The following RELN variants were observed in gnomAD, a reference collection of about 807,000 sequenced individuals.
The protein encoded by RELN is reelin.
A neutral mutation model predicts 427.6 loss-of-function variants in RELN; 108 were observed. That is an observed-to-expected ratio of 0.25 (90% CI 0.22 to 0.30). The LOEUF (loss-of-function observed/expected upper bound fraction) is 0.30, where lower values mean the gene tolerates loss of function less well. Ranked by LOEUF, RELN falls within the 10% of genes least tolerant of loss-of-function variation. RELN has a pLI of 1.00. For synonymous variants in RELN, 1,524 were observed against 1,513.4 expected, an observed-to-expected ratio of 1.01 and a Z score of -0.16; for missense variants, 3,715 against 4,302.8, an observed-to-expected ratio of 0.86 and a Z score of 3.82.
chr7:103,966,780 G>T (rs1294568502), intron 1 of RELN, among the ~76,000 whole-genome samples: 1 of 152,176 alleles, frequency 6.6e-6, no homozygotes, highest in Non-Finnish European at 1.5e-5. Flanking sequence ...TGGAACACTA[G>T]TTATCTTGGA....
At position 103,654,481 on chromosome 7, in the gene RELN, C is replaced by T. The variant is rs543180869; in HGVS notation, c.1442-276G>A. 3.1e-4 allele frequency among the ~76,000 whole-genome samples: 47 copies of T among 152,216 alleles called. 1 individual carries two copies. In the South Asian group the frequency reaches 6.8e-3, roughly 22 times the overall value. ...TTGTCTACTTTGAGCAGCAACTACA[C>T]GTCCATGTTCTAACCCACATTAAAA... is the stretch of plus-strand genomic sequence containing the variant. On this transcript the variant is annotated intron_variant, in intron 12 of 64. Coordinates refer to ENST00000428762, the MANE Select transcript of RELN (RefSeq NM_005045.4).
intron 16 of RELN, among the ~76,000 whole-genome samples, chr7:103,647,381 G>A (rs1048415161): frequency 3.9e-5 from 6 of 151,942 alleles, no homozygotes; most frequent in South Asian, 2.1e-4. Context: ...TAAAATCAAT[G>A]TACAAAAATC....
At chr7:103,851,467 C>G (rs1209788941) in intron 2 of RELN, among the ~76,000 whole-genome samples, 1 of 152,086 alleles carries the variant, frequency 6.6e-6, no homozygotes, top group Non-Finnish European at 1.5e-5. Context: ...ACCACTTGTA[C>G]CCCATTAATT....
intron 1 of RELN, among the ~76,000 whole-genome samples, chr7:103,949,863 G>A (rs2116760456): frequency 6.6e-6 from 1 of 152,254 alleles, no homozygotes; most frequent in East Asian, 1.9e-4. Flanking sequence ...CATAGTTAGT[G>A]CCTAGAAGTT....
Position 103,575,582 on chromosome 7 carries a change from A to C in RELN, c.4269T>G (p.Ile1423Met), listed in dbSNP as rs1830979263. 5.0e-6 allele frequency: 8 copies of C among 1,614,146 alleles called. No homozygotes were observed. Among genetic ancestry groups the C allele is most frequent in the Non-Finnish European group, 6.8e-6 (8 of 1,180,006 alleles). ...CCAGGTCACAGAAACACACTCCTGAAATGCAGTCCCCATGGCCACTGCAGT... is the reference window on the plus strand; with the variant it reads ...CCAGGTCACAGAAACACACTCCTGACATGCAGTCCCCATGGCCACTGCAGT... ...PSYCSGHGDC[I>M]SGVCFCDLGY... Residue 1423 changes from isoleucine to methionine, a missense_variant, in exon 29 of 65, where the codon ATT becomes ATG. Ile to Met is a conservative substitution (Grantham distance 10, BLOSUM62 1). This residue lies in a region of RELN where 2,208 missense variants were observed against 2,361.7 expected (regional missense o/e 0.93). Transcript: ENST00000428762.
chr7:103,475,265 A>T (rs757341493), intron 64 of RELN, among the ~76,000 whole-genome samples: 17 of 152,012 alleles, frequency 1.1e-4, no homozygotes, highest in Non-Finnish European at 2.2e-4. Context: ...CCTGCTTTGA[A>T]GGAGTTTGTG....
At chr7:103,578,915 T>C (rs1210372253) in intron 28 of RELN, among the ~76,000 whole-genome samples, 1 of 152,256 alleles carries the variant, frequency 6.6e-6, no homozygotes, top group African/African-American at 2.4e-5. Context: ...TAAGTAGCAC[T>C]GCATATATTC....
chr7:103,682,148 T>C lies in RELN; in HGVS notation c.1257A>G (p.Gln419=), dbSNP rs2115695469. 1 of 1,614,026 alleles carries C rather than the reference T, an allele frequency of 6.2e-7. No individual in the cohort carries two copies. Among genetic ancestry groups the C allele is most frequent in the Non-Finnish European group, 8.5e-7 (1 of 1,179,922 alleles). Residue 419 remains glutamine (Q), a synonymous_variant, in exon 11 of 65, where the codon CAA becomes CAG. Transcript: ENST00000428762. ...GCTGGCTCTCAAATTCTTCTGACCA[T>C]TGCTCTTGAATATCTTCTGTGGAAA... ...VDLSTEDIQE[Q]WSEEFESQPT... is the part of the protein sequence containing the mutation.
chr7:103,895,498 G>T (rs1244272446), intron 2 of RELN, among the ~76,000 whole-genome samples: 2 of 152,048 alleles, frequency 1.3e-5, no homozygotes, highest in South Asian at 4.1e-4. Flanking sequence ...TAATCCAGGG[G>T]TCTGAAGCAA....
rs1831488944 is a variant in RELN at position 103,594,345 on chromosome 7, T to C, written c.3687A>G (p.Pro1229=). 6.2e-7 allele frequency: 1 copy of C among 1,614,038 alleles called. No homozygotes were observed. Among genetic ancestry groups the C allele is most frequent in the African/African-American group, 1.3e-5 (1 of 75,048 alleles). The change falls in exon 26 of 65, where the codon CCA becomes CCG. Residue 1229 remains proline, a synonymous_variant. Coordinates refer to ENST00000428762, the MANE Select transcript of RELN (RefSeq NM_005045.4). ...CCTGAGGTAAAGTTGGATTGATAAC[T>C]GGGATGATCTGCTTCTGCTTCTCGG... ...ILSEKQKQII[P]VINPTLPQNF...
chr7:103,508,432 G>A (rs539191267), intron 51 of RELN, among the ~76,000 whole-genome samples: 1 of 152,262 alleles, frequency 6.6e-6, no homozygotes, highest in Non-Finnish European at 1.5e-5. Flanking sequence ...TGCAGAAAAG[G>A]CCTTCGCCAA....
chr7:103,739,852 C>T (rs2237634), intron 6 of RELN, among the ~76,000 whole-genome samples: 11,232 of 152,128 alleles, frequency 0.074, 529 homozygotes, highest in East Asian at 0.18. Context: ...CACAATTGCA[C>T]ACCAGAGTAC....
At chr7:103,944,728 A>G (rs1796184623) in intron 1 of RELN, among the ~76,000 whole-genome samples, 1 of 152,280 alleles carries the variant, frequency 6.6e-6, no homozygotes, top group Non-Finnish European at 1.5e-5. Flanking sequence ...AATGTGGCAA[A>G]GTGAGCCAAA....
At position 103,640,511 on chromosome 7, in the gene RELN, G is replaced by A. The variant is rs1832674930; in HGVS notation, c.2069+32C>T. 4 of 1,604,410 alleles carry A rather than the reference G, an allele frequency of 2.5e-6. No homozygotes were observed. Among genetic ancestry groups the A allele is most frequent in the African/African-American group, 1.3e-5 (1 of 74,702 alleles). On this transcript the variant is annotated intron_variant, in intron 17 of 64. Coordinates refer to ENST00000428762, the MANE Select transcript of RELN (RefSeq NM_005045.4). This position sits in a 1 kb window ranked among gnomAD's most constrained non-coding sequence, Gnocchi z 4.1. ...AACACATACATTACACATCAAAAAG[G>A]AGAAGCATAAGTGTTATTTTAAGAT...
rs557526476 is a variant in RELN, at chr7:103,605,175, G to C, written c.3009-692C>G. Among the ~76,000 whole-genome samples the C allele has an allele frequency of 8.5e-5, 13 of 152,298 alleles. 1 individual carries two copies. In the South Asian group the frequency reaches 2.7e-3, roughly 32 times the overall value. ...AAAATGTAAGATGTTTAACCTTAGA[G>C]TAATAGAGTTTCTTACAATAAATAC... On this transcript the variant is annotated intron_variant, in intron 22 of 64. Transcript: ENST00000428762.
intron 51 of RELN, among the ~76,000 whole-genome samples, chr7:103,503,584 G>T (rs1330283086): frequency 6.6e-6 from 1 of 152,192 alleles, no homozygotes; most frequent in Admixed American, 6.5e-5. Context: ...TAACCAAGAA[G>T]AATAGCTAAC....
intron 20 of RELN, among the ~76,000 whole-genome samples, chr7:103,624,920 TTCTG>T (rs1832296524): frequency 6.6e-6 from 1 of 152,218 alleles, no homozygotes; most frequent in Non-Finnish European, 1.5e-5. Flanking sequence ...AATGAGTACC[TTCTG>T]TCTTTTATGC....
chr7:103,781,229 A>T (rs1791880784), intron 3 of RELN, among the ~76,000 whole-genome samples: 1 of 151,746 alleles, frequency 6.6e-6, no homozygotes, highest in Non-Finnish European at 1.5e-5. Context: ...GGTGGGATTA[A>T]TGTCAATATG....
intron 1 of RELN, among the ~76,000 whole-genome samples, chr7:103,919,846 C>T (rs1380918082): frequency 1.3e-5 from 2 of 152,144 alleles, no homozygotes; most frequent in Admixed American, 1.3e-4. Context: ...ATTTACCATA[C>T]ACAGAAATAA....
Sources: gnomAD v4.1 joint callset for allele counts (sites outside exome capture counted in the v4.1 genomes callset) on GRCh38, gnomAD v4.1.1 for gene constraint, gnomAD v4.1.1 regional missense constraint, Gnocchi (gnomAD v3.1) non-coding constraint, MANE v1.5 for transcripts, NCBI Gene and HGNC (gene_info 2026-07-23, HGNC 2026-07-21) for gene names.